The following USP54 variants were observed in gnomAD, a reference collection of about 807,000 sequenced individuals.
The protein encoded by USP54 is ubiquitin carboxyl-terminal hydrolase 54.
In USP54, 87 loss-of-function variants were observed where a neutral mutation model predicts 170.5. The observed-to-expected ratio is 0.51, with a 90% confidence interval of 0.43 to 0.61. USP54 has a LOEUF of 0.61. Ranked by LOEUF, USP54 falls within the 20% of genes least tolerant of loss-of-function variation. USP54 has a pLI of 0.00. For missense variants in USP54, 1,786 were observed against 2,047.8 expected (o/e 0.87, Z 2.47); for synonymous variants, 655 against 742.8 (o/e 0.88, Z 1.92).
At chr10:73,574,116 C>A (rs932695687) in intron 3 of USP54, among the ~76,000 whole-genome samples, 5 of 151,988 alleles carry the variant, frequency 3.3e-5, no homozygotes, top group Non-Finnish European at 7.4e-5. Context: ...AAAGTTAGGC[C>A]AAGGGGGATG....
intron 1 of USP54, among the ~76,000 whole-genome samples, chr10:73,604,179 G>A (rs2079430535): frequency 6.6e-6 from 1 of 151,892 alleles, no homozygotes; most frequent in African/African-American, 2.4e-5. Context: ...AACCCAGGAG[G>A]CAGAGGTTGC....
chr10:73,608,749 T>C (rs930644769), intron 1 of USP54, among the ~76,000 whole-genome samples: 1 of 151,990 alleles, frequency 6.6e-6, no homozygotes, highest in Non-Finnish European at 1.5e-5. Flanking sequence ...TATAAAAAAT[T>C]AGCAGGGCAT....
At position 73,498,590 on chromosome 10, in the gene USP54, A is replaced by G; in HGVS notation, c.*39T>C. 6.7e-7 allele frequency: 1 copy of G among 1,503,348 alleles called. No individual in the cohort carries two copies. Among genetic ancestry groups the G allele is most frequent in the Non-Finnish European group, 8.9e-7 (1 of 1,124,846 alleles). 93.1% of individuals were successfully genotyped at this position (1,503,348 alleles called of 1,614,324 possible). ...CGCCCGGCCCACAGTACAGTTTTAC[A>G]AAGAAAGGTGTAGCTCCAGGAAAGG... On this transcript the variant is annotated 3_prime_UTR_variant, in exon 24 of 24. Coordinates refer to ENST00000687698, the MANE Select transcript of USP54 (RefSeq NM_001391956.1).
intron 1 of USP54, among the ~76,000 whole-genome samples, chr10:73,605,840 G>A (rs74680062): frequency 0.035 from 5,341 of 152,018 alleles, 154 homozygotes; most frequent in South Asian, 0.11. Flanking sequence ...GGGGAAGGAG[G>A]AATCGGGGGG....
intron 1 of USP54, among the ~76,000 whole-genome samples, chr10:73,612,582 C>T (rs1277035016): frequency 2.6e-5 from 4 of 152,058 alleles, no homozygotes; most frequent in Admixed American, 6.6e-5. Flanking sequence ...TGGCTCATGG[C>T]TGTAATCCCA....
chr10:73,520,151 C>G, intron 18 of USP54, 159 bp from the exon 19 acceptor site: 2 of 1,021,884 alleles, frequency 2.0e-6, no homozygotes, highest in Non-Finnish European at 2.8e-6. Flanking sequence ...CCAGGGCACA[C>G]AGCTGCCTCT....
intron 4 of USP54, among the ~76,000 whole-genome samples, chr10:73,558,617 G>C (rs1289013917): frequency 6.6e-6 from 1 of 152,176 alleles, no homozygotes; most frequent in Admixed American, 6.5e-5. Context: ...GCCAGCCTCT[G>C]ATTCATCTAG....
rs776906808 is a variant in USP54 at position 73,516,431 on chromosome 10, G to A, written c.3995C>T (p.Ala1332Val). ...LYQASLQASQ[A>V]GCSGWGQQDT... is the part of the protein sequence containing the mutation. ...CTGCTGCCCCCATCCAGAACAGCCA[G>A]CTTGAGAAGCCTGAAGACTGGCCTG... Residue 1332 changes from alanine to valine, a missense_variant, in exon 20 of 24, where the codon GCT becomes GTT. This residue lies in a region of USP54 where 1,418 missense variants were observed against 1,569.0 expected (regional missense o/e 0.90). Transcript: ENST00000687698. The A allele has an allele frequency of 6.2e-7, 1 of 1,613,960 alleles. No individual in the cohort carries two copies. Among genetic ancestry groups the A allele is most frequent in the Non-Finnish European group, 8.5e-7 (1 of 1,180,010 alleles).
rs559305668 is a variant in USP54, at chr10:73,616,200, T to C, written c.-18+9367A>G. On this transcript the variant is annotated intron_variant, in intron 1 of 22. Coordinates refer to the USP54 transcript ENST00000339859. ...CTAAAAATACAAAATTAGCCAGGGATGGTGGCAAGTGCCTGTAATGCTAGC... is the reference window on the plus strand; with the variant it reads ...CTAAAAATACAAAATTAGCCAGGGACGGTGGCAAGTGCCTGTAATGCTAGC... Among the ~76,000 whole-genome samples, 59 of 149,292 alleles carry C rather than the reference T, an allele frequency of 4.0e-4. No individual in the cohort carries two copies. In the South Asian group the frequency reaches 5.6e-3, roughly 14 times the overall value.
intron 3 of USP54, among the ~76,000 whole-genome samples, chr10:73,574,819 C>A: frequency 6.8e-6 from 1 of 146,200 alleles, no homozygotes; most frequent in African/African-American, 2.6e-5. Context: ...GATTGGGCCA[C>A]TATACTCCAG....
At chr10:73,554,293 C>T (rs1449487018) in intron 4 of USP54, among the ~76,000 whole-genome samples, 3 of 152,266 alleles carry the variant, frequency 2.0e-5, no homozygotes, top group Non-Finnish European at 4.4e-5. Flanking sequence ...AACTTTACAC[C>T]CTGCCATTAA....
intron 1 of USP54, among the ~76,000 whole-genome samples, chr10:73,577,740 C>T (rs1350644953): frequency 6.6e-6 from 1 of 152,140 alleles, no homozygotes; most frequent in Non-Finnish European, 1.5e-5. Flanking sequence ...TTTTATTATT[C>T]TATTCCAAAA....
At chr10:73,529,642 G>C in intron 15 of USP54, 38 bp downstream of exon 15, 1 of 1,610,214 alleles carries the variant, frequency 6.2e-7, no homozygotes, top group Non-Finnish European at 8.5e-7. Context: ...TCACATTGCT[G>C]CAAGAGACAA....
chr10:73,612,439 T>C (rs973182020), intron 1 of USP54, among the ~76,000 whole-genome samples: 2 of 152,134 alleles, frequency 1.3e-5, no homozygotes, highest in African/African-American at 2.4e-5. Flanking sequence ...GTCAAGATAT[T>C]ACAAGCATTA....
intron 22 of USP54, chr10:73,504,406 C>A: frequency 5.9e-6 from 1 of 169,432 alleles, no homozygotes; most frequent in Non-Finnish European, 1.3e-5. Context: ...AGGCTTTTTT[C>A]CTCTTCTTGC....
At chr10:73,503,890 G>A (rs2133152246) in intron 22 of USP54, among the ~76,000 whole-genome samples, 1 of 152,164 alleles carries the variant, frequency 6.6e-6, no homozygotes, top group Admixed American at 6.5e-5. Flanking sequence ...CCCCCACCAT[G>A]CCTGGCTAAT....
chr10:73,606,984 G>A lies in USP54; in HGVS notation c.-18+18583C>T, dbSNP rs140914060. Among the ~76,000 whole-genome samples, 40 of 151,810 alleles carry A rather than the reference G, an allele frequency of 2.6e-4. 1 individual carries two copies. Among genetic ancestry groups the A allele is most frequent in the African/African-American group, 8.5e-4 (35 of 41,414 alleles). Reference sequence around the variant, plus strand: ...AACTGAAAAACCTAATATGTTCAGGGCAGCTAATATATTTCTAGAGGCAGG... The same window carrying A: ...AACTGAAAAACCTAATATGTTCAGGACAGCTAATATATTTCTAGAGGCAGG... On this transcript the variant is annotated intron_variant, in intron 1 of 22. Coordinates refer to the USP54 transcript ENST00000339859.
intron 4 of USP54, among the ~76,000 whole-genome samples, chr10:73,562,110 AAG>A (rs112224234): frequency 2.6e-5 from 4 of 151,796 alleles, no homozygotes; most frequent in Non-Finnish European, 5.9e-5. Flanking sequence ...CATTAAAAAA[AAG>A]AGAGAGAGAG....
intron 10 of USP54, among the ~76,000 whole-genome samples, chr10:73,537,263 C>T (rs2065423179): frequency 6.6e-6 from 1 of 152,078 alleles, no homozygotes; most frequent in South Asian, 2.1e-4. Context: ...AGGGTATTTT[C>T]AAATAAAAAC....
Sources: gnomAD v4.1 joint callset for allele counts (sites outside exome capture counted in the v4.1 genomes callset) on GRCh38, gnomAD v4.1.1 for gene constraint, gnomAD v4.1.1 regional missense constraint, MANE v1.5 for transcripts, NCBI Gene and HGNC (gene_info 2026-07-23, HGNC 2026-07-21) for gene names.